The following CNTN6 variants were observed in gnomAD, a reference collection of about 807,000 sequenced individuals.
The protein encoded by CNTN6 is contactin 6.
CNTN6 carries 137 observed loss-of-function variants against 122.8 expected under a neutral mutation model. The ratio of observed to expected loss-of-function variants is 1.12; its 90% confidence interval spans 0.97 to 1.29. The LOEUF (loss-of-function observed/expected upper bound fraction) is 1.29. Among genes scored for constraint, CNTN6 ranks in the 50% most tolerant of loss-of-function variants. The pLI, the probability that CNTN6 is intolerant of heterozygous loss-of-function variation, is 0.00. For missense variants in CNTN6, 1,634 were observed against 1,223.4 expected, an observed-to-expected ratio of 1.34 and a Z score of -5.01; for synonymous variants, 570 against 426.0, an observed-to-expected ratio of 1.34 and a Z score of -4.16.
intron 2 of CNTN6, among the ~76,000 whole-genome samples, chr3:1,195,228 G>GT (rs1203622571): frequency 6.6e-6 from 1 of 152,100 alleles, no homozygotes; most frequent in Non-Finnish European, 1.5e-5. Flanking sequence ...TCTTGCCTAT[G>GT]TTTTTCTCCA....
intron 4 of CNTN6, among the ~76,000 whole-genome samples, chr3:1,245,968 T>A (rs74800551): frequency 0.041 from 6,209 of 152,180 alleles, 176 homozygotes; most frequent in Admixed American, 0.057. Flanking sequence ...GTATGAATTT[T>A]TGTTGGGCCA....
chr3:1,259,820 TATA>T (rs1387962034), intron 4 of CNTN6, among the ~76,000 whole-genome samples: 3 of 152,186 alleles, frequency 2.0e-5, no homozygotes, highest in Admixed American at 2.0e-4. Flanking sequence ...TGTATCCATG[TATA>T]ATAATATTTG....
intron 4 of CNTN6, 98 bp from the exon 5 acceptor site, chr3:1,278,315 A>T (rs1692782043): frequency 3.7e-6 from 3 of 805,486 alleles, no homozygotes; most frequent in Non-Finnish European, 5.8e-6. Context: ...GTATGAGATT[A>T]ATTCCCCTTA....
chr3:1,097,433 G>T (rs1327854911), intron 1 of CNTN6, among the ~76,000 whole-genome samples: 5 of 152,072 alleles, frequency 3.3e-5, no homozygotes, highest in Non-Finnish European at 7.4e-5. Context: ...CTTAAAAGAG[G>T]CAATAAAAGA....
chr3:1,325,146 T>C (rs765196654), intron 8 of CNTN6, among the ~76,000 whole-genome samples: 2 of 151,836 alleles, frequency 1.3e-5, no homozygotes, highest in Non-Finnish European at 2.9e-5. Context: ...TTCACGTCAA[T>C]TATGCCAGTT....
At chr3:1,162,281 G>C (rs1198387054) in intron 2 of CNTN6, among the ~76,000 whole-genome samples, 1 of 118,074 alleles carries the variant, frequency 8.5e-6, no homozygotes, top group East Asian at 2.9e-4. Flanking sequence ...AATGGGCAAA[G>C]AACCTTGTTT....
chr3:1,199,694 G>A lies in CNTN6; in HGVS notation c.56-20993G>A, dbSNP rs1452793407. Among the ~76,000 whole-genome samples the A allele has an allele frequency of 2.0e-5, 3 of 152,118 alleles. No individual in the cohort carries two copies. The East Asian group carries it at 5.8e-4, about 29-fold the overall frequency. On this transcript the variant is annotated intron_variant, in intron 2 of 22. Transcript: ENST00000446702. ...TAGAGGAATTGGAACACAGACGGGAGGAGATAAGAAGCACTCTCTGCTAAG... is the reference window on the plus strand; with the variant it reads ...TAGAGGAATTGGAACACAGACGGGAAGAGATAAGAAGCACTCTCTGCTAAG...
At chr3:1,367,362 T>C (rs941495064) in intron 12 of CNTN6, among the ~76,000 whole-genome samples, 1 of 151,816 alleles carries the variant, frequency 6.6e-6, no homozygotes, top group African/African-American at 2.4e-5. Flanking sequence ...TATGCTACTC[T>C]CTACTATGTA....
chr3:1,166,183 G>C lies in CNTN6; in HGVS notation c.55+18120G>C, dbSNP rs75703221. On this transcript the variant is annotated intron_variant, in intron 2 of 22. Coordinates refer to ENST00000446702, the MANE Select transcript of CNTN6 (RefSeq NM_001289080.2). ...CAAGAGACAAGCTCTGAGGCATATA[G>C]TCACAAATATGGGCAGTAAGGAGTT... 8.4e-4 allele frequency among the ~76,000 whole-genome samples: 128 copies of C among 152,314 alleles called. 1 individual carries two copies. In the East Asian group the frequency reaches 0.019, roughly 22 times the overall value.
intron 2 of CNTN6, among the ~76,000 whole-genome samples, chr3:1,196,085 C>A (rs1401185868): frequency 6.6e-6 from 1 of 152,102 alleles, no homozygotes; most frequent in East Asian, 1.9e-4. Context: ...GACTAATTTG[C>A]TTGTGGTTAT....
At chr3:1,142,225 A>C (rs537333671) in intron 1 of CNTN6, among the ~76,000 whole-genome samples, 2 of 152,200 alleles carry the variant, frequency 1.3e-5, no homozygotes, top group East Asian at 1.9e-4. Context: ...AAAAAAAAAA[A>C]AAACATGATT....
chr3:1,275,087 C>T (rs1692084917), intron 4 of CNTN6, among the ~76,000 whole-genome samples: 1 of 152,114 alleles, frequency 6.6e-6, no homozygotes, highest in South Asian at 2.1e-4. Flanking sequence ...TTTCTCTTTC[C>T]TTACAAAGGC....
intron 20 of CNTN6, among the ~76,000 whole-genome samples, chr3:1,393,621 G>C (rs115268055): frequency 9.4e-4 from 138 of 146,868 alleles, no homozygotes; most frequent in African/African-American, 2.7e-3. Flanking sequence ...AAAATCAAGA[G>C]TGATTAGAAA....
intron 1 of CNTN6, among the ~76,000 whole-genome samples, chr3:1,111,940 G>GCAT (rs1404868066): frequency 6.6e-6 from 1 of 152,002 alleles, no homozygotes; most frequent in Non-Finnish European, 1.5e-5. Flanking sequence ...TATTTTTAAA[G>GCAT]CATCCTGTAA....
intron 4 of CNTN6, among the ~76,000 whole-genome samples, chr3:1,259,491 CTAT>C (rs751334417): frequency 3.3e-5 from 5 of 151,944 alleles, no homozygotes; most frequent in East Asian, 1.9e-4. Flanking sequence ...CACTAGATTA[CTAT>C]TATTATTTAA....
At chr3:1,362,899 A>G (rs1039578533) in intron 12 of CNTN6, among the ~76,000 whole-genome samples, 4 of 151,850 alleles carry the variant, frequency 2.6e-5, no homozygotes, top group Admixed American at 2.6e-4. Flanking sequence ...GATAAAAAAG[A>G]TACATTAAGT....
intron 5 of CNTN6, among the ~76,000 whole-genome samples, chr3:1,289,975 GTTTTATCAT>G (rs550523433): frequency 0.013 from 1,955 of 152,234 alleles, 27 homozygotes; most frequent in Non-Finnish European, 0.02. Flanking sequence ...CGCCCGGCGA[GTTTTATCAT>G]TTTTATCAAT....
intron 4 of CNTN6, among the ~76,000 whole-genome samples, chr3:1,273,655 G>T (rs1575509473): frequency 6.6e-6 from 1 of 152,142 alleles, no homozygotes; most frequent in Admixed American, 6.6e-5. Context: ...GTTTTAAAAC[G>T]TGAATTATTA....
At chr3:1,338,694 T>C (rs1278613107) in intron 11 of CNTN6, among the ~76,000 whole-genome samples, 5 of 152,178 alleles carry the variant, frequency 3.3e-5, no homozygotes, top group Non-Finnish European at 7.3e-5. Context: ...CACTTGTATC[T>C]TCAAAATTTT....
Sources: allele counts gnomAD v4.1 joint callset (sites outside exome capture counted in the v4.1 genomes callset), GRCh38; gene constraint gnomAD v4.1.1; transcripts MANE v1.5; gene names NCBI Gene and HGNC (gene_info 2026-07-23, HGNC 2026-07-21).